RBKS: variants seen among roughly 807,000 people sequenced by gnomAD.
RBKS encodes ribokinase.
In RBKS, 33 loss-of-function variants were observed where a neutral mutation model predicts 33.9. The ratio of observed to expected loss-of-function variants is 0.97; its 90% CI spans 0.74 to 1.30. The LOEUF is 1.30. RBKS is among the 50% of genes most tolerant of loss of function. The probability of loss-of-function intolerance (pLI) is 0.00; values close to 1 mark genes in which losing one functional copy is unlikely to be tolerated. For synonymous variants in RBKS, 125 were observed against 143.0 expected (o/e 0.87, Z 0.90); for missense variants, 361 against 392.6 (o/e 0.92, Z 0.68).
chr2:27,871,856 T>C (rs995490280), intron 1 of RBKS, among the ~76,000 whole-genome samples: 2 of 152,208 alleles, frequency 1.3e-5, no homozygotes, highest in African/African-American at 4.8e-5. Flanking sequence ...CAGTCAAACC[T>C]CTCTGCTAAT....
At chr2:27,848,447 A>G (rs538383020) in intron 2 of RBKS, among the ~76,000 whole-genome samples, 2 of 152,302 alleles carry the variant, frequency 1.3e-5, no homozygotes, top group African/African-American at 4.8e-5. Context: ...TTCACTGTAA[A>G]TATGGGTATC....
intron 1 of RBKS, among the ~76,000 whole-genome samples, chr2:27,875,413 C>T (rs1573077696): frequency 6.6e-6 from 1 of 152,150 alleles, no homozygotes; most frequent in African/African-American, 2.4e-5. Flanking sequence ...ATTAGTTGGG[C>T]ATGGTGGTAT....
At position 27,853,060 on chromosome 2, in the gene RBKS, G is replaced by T. The variant is rs117160928; in HGVS notation, c.223-4963C>A. ...GGTTGTTTAAATCCTAGATAAAGGG[G>T]TGTTTACCTTAATAATGGCCTTTAG... On this transcript the variant is annotated intron_variant, in intron 2 of 7. Coordinates refer to ENST00000302188, the MANE Select transcript of RBKS (RefSeq NM_022128.3). 1.5e-4 allele frequency among the ~76,000 whole-genome samples: 23 copies of T among 152,208 alleles called. No homozygotes were observed. In the East Asian group the frequency reaches 4.3e-3, roughly 28 times the overall value.
At chr2:27,835,894 G>A (rs1020564821) in intron 5 of RBKS, among the ~76,000 whole-genome samples, 2 of 152,092 alleles carry the variant, frequency 1.3e-5, no homozygotes, top group African/African-American at 4.8e-5. Context: ...GTTAAGTGCT[G>A]TATGAGGTAA....
chr2:27,861,379 G>A (rs1387356615), intron 1 of RBKS: 5 of 424,522 alleles, frequency 1.2e-5, no homozygotes, highest in East Asian at 7.2e-5. Context: ...GGATGACTGG[G>A]CAACTGTCCG....
At chr2:27,884,825 C>T (rs6708889) in intron 1 of RBKS, among the ~76,000 whole-genome samples, 107,387 of 151,972 alleles carry the variant, frequency 0.71, 38,886 homozygotes, top group Middle Eastern at 0.82. Flanking sequence ...GTATTAAGCA[C>T]GTCTCAAAGC....
chr2:27,800,325 C>T (rs1178680100), intron 7 of RBKS, among the ~76,000 whole-genome samples: 7 of 151,946 alleles, frequency 4.6e-5, no homozygotes, highest in African/African-American at 1.7e-4. Context: ...TTTTTTTCAA[C>T]TGGGACAATG....
intron 7 of RBKS, chr2:27,809,811 C>T (rs1677958945): frequency 1.7e-6 from 1 of 590,444 alleles, no homozygotes; most frequent in Admixed American, 3.9e-5. Context: ...GATTATTAAA[C>T]AGCAAAGGCA....
intron 3 of RBKS, 52 bp from the exon 4 acceptor site, chr2:27,847,156 A>C: frequency 9.5e-7 from 1 of 1,057,400 alleles, no homozygotes; most frequent in Non-Finnish European, 1.5e-6. Context: ...GGCATGGATA[A>C]TTTATTTTAA....
intron 1 of RBKS, among the ~76,000 whole-genome samples, chr2:27,885,471 CCTGA>C (rs1407361007): frequency 6.6e-6 from 1 of 152,138 alleles, no homozygotes; most frequent in Non-Finnish European, 1.5e-5. Context: ...ATTGCTGTCT[CCTGA>C]CTCTTTTTTT....
intron 7 of RBKS, among the ~76,000 whole-genome samples, chr2:27,813,681 G>A (rs574101779): frequency 8.8e-4 from 134 of 151,976 alleles, no homozygotes; most frequent in Middle Eastern, 3.4e-3. Context: ...ATATATATAT[G>A]TATGGAGAGA....
intron 7 of RBKS, among the ~76,000 whole-genome samples, chr2:27,792,596 CAT>C (rs912337321): frequency 2.4e-4 from 36 of 152,198 alleles, no homozygotes; most frequent in African/African-American, 3.6e-4. Flanking sequence ...ACTCTTAACA[CAT>C]GTCGTTTCTT....
chr2:27,816,628 T>C (rs1292610390), intron 7 of RBKS, among the ~76,000 whole-genome samples: 1 of 150,728 alleles, frequency 6.6e-6, no homozygotes, highest in African/African-American at 2.5e-5. Context: ...TTTGTTTTTT[T>C]GTTTTTGAGG....
At chr2:27,790,661 T>C (rs764718454) in intron 7 of RBKS, among the ~76,000 whole-genome samples, 12 of 152,170 alleles carry the variant, frequency 7.9e-5, no homozygotes, top group East Asian at 1.9e-4. Flanking sequence ...CAAATAAGTA[T>C]ATGAAAAGAT....
At chr2:27,859,121 G>A (rs1243150726) in intron 1 of RBKS, among the ~76,000 whole-genome samples, 3 of 152,158 alleles carry the variant, frequency 2.0e-5, no homozygotes, top group African/African-American at 7.2e-5. Context: ...GGGGTGTTCA[G>A]AGAGCAGGAT....
At chr2:27,868,909 G>T (rs1179510999) in intron 1 of RBKS, among the ~76,000 whole-genome samples, 1 of 152,162 alleles carries the variant, frequency 6.6e-6, no homozygotes, top group African/African-American at 2.4e-5. Context: ...AATAATGGCA[G>T]ATATTTCTAG....
chr2:27,858,139 T>G (rs769485879), intron 2 of RBKS, among the ~76,000 whole-genome samples: 4 of 152,200 alleles, frequency 2.6e-5, no homozygotes, highest in Non-Finnish European at 5.9e-5. Flanking sequence ...TCCATTTATA[T>G]GAAATGTCCC....
At chr2:27,854,176 AAG>A (rs1192262073) in intron 2 of RBKS, among the ~76,000 whole-genome samples, 3 of 152,250 alleles carry the variant, frequency 2.0e-5, no homozygotes, top group African/African-American at 7.2e-5. Flanking sequence ...GAAAACAAAA[AAG>A]AGTCATACAA....
intron 7 of RBKS, among the ~76,000 whole-genome samples, chr2:27,812,208 A>T (rs992974238): frequency 6.6e-6 from 1 of 152,190 alleles, no homozygotes; most frequent in Non-Finnish European, 1.5e-5. Flanking sequence ...GTCAGGAAAC[A>T]ACAGGTGCTG....
Sources: gnomAD v4.1 joint callset for allele counts (sites outside exome capture counted in the v4.1 genomes callset) on GRCh38, gnomAD v4.1.1 for gene constraint, MANE v1.5 for transcripts, NCBI Gene and HGNC (gene_info 2026-07-23, HGNC 2026-07-21) for gene names.